TP63: variants seen among roughly 807,000 people sequenced by gnomAD.
TP63 encodes tumor protein 63.
A neutral mutation model predicts 82.8 loss-of-function variants in TP63; 17 were observed. That is an observed-to-expected ratio of 0.21 (90% CI 0.14 to 0.31). The LOEUF is 0.31. Among genes scored for constraint, TP63 ranks in the 10% least tolerant of loss-of-function variants. The probability of loss-of-function intolerance (pLI) is 1.00; values close to 1 mark genes in which losing one functional copy is unlikely to be tolerated. For missense variants in TP63, 648 were observed against 895.3 expected (o/e 0.72, Z 3.52); for synonymous variants, 330 against 321.7 (o/e 1.03, Z -0.28).
intron 10 of TP63, among the ~76,000 whole-genome samples, chr3:189,875,557 CT>C (rs1718948562): frequency 1.6e-5 from 2 of 122,456 alleles, no homozygotes; most frequent in Non-Finnish European, 3.4e-5. Context: ...CAGAGAGAGA[CT>C]TCATCTCAAA....
intron 1 of TP63, among the ~76,000 whole-genome samples, chr3:189,677,977 A>G (rs924334325): frequency 7.9e-5 from 12 of 151,824 alleles, no homozygotes; most frequent in African/African-American, 2.9e-4. Flanking sequence ...TGTTGGAGTT[A>G]CTTGTAGATT....
chr3:189,754,320 C>T (rs955344433), intron 3 of TP63, among the ~76,000 whole-genome samples: 2 of 152,114 alleles, frequency 1.3e-5, no homozygotes, highest in African/African-American at 2.4e-5. Flanking sequence ...TGCATGTACA[C>T]GTACACAATC....
chr3:189,802,345 T>A (rs1726402262), intron 3 of TP63, among the ~76,000 whole-genome samples: 1 of 152,200 alleles, frequency 6.6e-6, no homozygotes. Flanking sequence ...CTGAGGAAAC[T>A]GTATGTGCTG....
rs187952042 is a variant in TP63, at chr3:189,859,244, A to T, written c.580-4988A>T. 7.0e-4 allele frequency among the ~76,000 whole-genome samples: 107 copies of T among 152,320 alleles called. 1 individual carries two copies. In the East Asian group the frequency reaches 0.019, roughly 27 times the overall value. On this transcript the variant is annotated intron_variant, in intron 4 of 13. Coordinates refer to ENST00000264731, the MANE Select transcript of TP63 (RefSeq NM_003722.5). Reference sequence around the variant, plus strand: ...TCACATTTTACCTATAAATATGTACAATTCTTTTGTATCAATCATAAAATA... The same window carrying T: ...TCACATTTTACCTATAAATATGTACTATTCTTTTGTATCAATCATAAAATA...
chr3:189,829,402 T>C (rs1711949114), intron 4 of TP63, among the ~76,000 whole-genome samples: 1 of 152,250 alleles, frequency 6.6e-6, no homozygotes. Flanking sequence ...CAAGTTAGCA[T>C]CCAACTATCA....
intron 1 of TP63, among the ~76,000 whole-genome samples, chr3:189,639,162 C>G (rs1453460443): frequency 6.6e-6 from 1 of 152,114 alleles, no homozygotes; most frequent in Non-Finnish European, 1.5e-5. Flanking sequence ...AAAAAGTCCT[C>G]AAGCAACAAG....
the TP63 span, among the ~76,000 whole-genome samples, chr3:189,620,510 AAAAAAAC>A: frequency 2.0e-5 from 3 of 148,040 alleles, no homozygotes; most frequent in African/African-American, 7.4e-5. Flanking sequence ...CTCCATCAAA[AAAAAAAC>A]AAAAAAAAAA....
At chr3:189,742,753 G>A (rs115682829) in intron 3 of TP63, among the ~76,000 whole-genome samples, 3,162 of 152,220 alleles carry the variant, frequency 0.021, 114 homozygotes, top group African/African-American at 0.072. Context: ...TTGAGAAGAC[G>A]ATAACACAGC....
At chr3:189,849,762 G>A (rs1299322602) in intron 4 of TP63, among the ~76,000 whole-genome samples, 1 of 152,094 alleles carries the variant, frequency 6.6e-6, no homozygotes, top group Admixed American at 6.5e-5. Flanking sequence ...CTGGCATGAA[G>A]CGCGTGCTCA....
At chr3:189,784,841 G>T (rs76561427) in intron 3 of TP63, among the ~76,000 whole-genome samples, 2,966 of 152,046 alleles carry the variant, frequency 0.02, 97 homozygotes, top group African/African-American at 0.067. Flanking sequence ...TTCCTCAAAT[G>T]CTAATTCTTA....
chr3:189,703,723 A>G (rs1257648466), intron 1 of TP63, among the ~76,000 whole-genome samples: 2 of 152,236 alleles, frequency 1.3e-5, no homozygotes, highest in African/African-American at 4.8e-5. Flanking sequence ...TCAATATTCT[A>G]TAGGAAAATT....
chr3:189,827,588 A>C (rs949644423), intron 4 of TP63, among the ~76,000 whole-genome samples: 5 of 152,228 alleles, frequency 3.3e-5, no homozygotes, highest in African/African-American at 1.2e-4. Flanking sequence ...CTTGGGAAAA[A>C]TAAGAATAGA....
At chr3:189,790,898 G>T (rs1725067014) in intron 3 of TP63, among the ~76,000 whole-genome samples, 1 of 152,142 alleles carries the variant, frequency 6.6e-6, no homozygotes, top group Non-Finnish European at 1.5e-5. Flanking sequence ...AGCAGGGCCT[G>T]TGCTATCGTA....
intron 1 of TP63, among the ~76,000 whole-genome samples, chr3:189,707,532 G>A (rs1718294269): frequency 6.6e-6 from 1 of 152,068 alleles, no homozygotes; most frequent in African/African-American, 2.4e-5. Flanking sequence ...TCCCAGACAT[G>A]TTTGCTGTGT....
chr3:189,663,266 T>C (rs769382305), intron 1 of TP63, among the ~76,000 whole-genome samples: 2 of 151,706 alleles, frequency 1.3e-5, no homozygotes, highest in Non-Finnish European at 2.9e-5. Context: ...ATAAGATAGG[T>C]TCTGGAAGGA....
intron 4 of TP63, among the ~76,000 whole-genome samples, chr3:189,859,324 A>G (rs16864854): frequency 0.023 from 3,451 of 152,284 alleles, 127 homozygotes; most frequent in African/African-American, 0.078. Flanking sequence ...AGTCTGTATT[A>G]CAATTTTTTT....
intron 1 of TP63, among the ~76,000 whole-genome samples, chr3:189,733,237 A>G (rs1720303241): frequency 6.6e-6 from 1 of 152,246 alleles, no homozygotes; most frequent in African/African-American, 2.4e-5. Context: ...ATAGAAATAG[A>G]TGATGAGTAT....
At chr3:189,701,526 T>TATATAC (rs1280003691) in intron 1 of TP63, among the ~76,000 whole-genome samples, 16 of 59,358 alleles carry the variant, frequency 2.7e-4, no homozygotes, top group African/African-American at 1.2e-3. Context: ...TATATACATA[T>TATATAC]ATATATATAT....
intron 1 of TP63, among the ~76,000 whole-genome samples, chr3:189,679,463 A>AT (rs1336045487): frequency 6.6e-6 from 1 of 151,984 alleles, no homozygotes; most frequent in Admixed American, 6.6e-5. Context: ...TTCTTTGCCC[A>AT]TTTTTAAATT....
Sources: gnomAD v4.1 joint callset for allele counts (sites outside exome capture counted in the v4.1 genomes callset) on GRCh38, gnomAD v4.1.1 for gene constraint, MANE v1.5 for transcripts, NCBI Gene and HGNC (gene_info 2026-07-23, HGNC 2026-07-21) for gene names.